The following PPARGC1A variants were observed in gnomAD, a reference collection of about 807,000 sequenced individuals.
The protein encoded by PPARGC1A is peroxisome proliferator-activated receptor gamma coactivator 1-alpha.
A neutral mutation model predicts 88.7 loss-of-function variants in PPARGC1A; 25 were observed. The ratio of observed to expected loss-of-function variants is 0.28; its 90% CI spans 0.21 to 0.39. The LOEUF (loss-of-function observed/expected upper bound fraction) is 0.39. Ranked by LOEUF, PPARGC1A falls within the 10% of genes least tolerant of loss-of-function variation. The pLI, the probability that PPARGC1A is intolerant of heterozygous loss-of-function variation, is 1.00. For missense variants in PPARGC1A, 880 were observed against 968.7 expected (o/e 0.91, Z 1.22); for synonymous variants, 363 against 355.6 (o/e 1.02, Z -0.24).
chr4:23,906,690 T>C (rs1448419935), upstream of PPARGC1A, among the ~76,000 whole-genome samples: 3 of 151,836 alleles, frequency 2.0e-5, no homozygotes, highest in African/African-American at 7.3e-5. Context: ...TTATCTAATC[T>C]AGAACAGACC....
At chr4:24,171,073 T>C in the PPARGC1A span, among the ~76,000 whole-genome samples, 32 of 152,244 alleles carry the variant, frequency 2.1e-4, no homozygotes, top group East Asian at 5.6e-3. Flanking sequence ...TTCATGCCTA[T>C]GTCCAAATGT....
the PPARGC1A span, among the ~76,000 whole-genome samples, chr4:24,208,788 C>T: frequency 2.0e-5 from 3 of 151,066 alleles, no homozygotes; most frequent in Non-Finnish European, 4.4e-5. Context: ...ATGTTATTAT[C>T]CTCATAATCA....
At chr4:24,368,551 TCAAGGTGGAC>T in the PPARGC1A span, among the ~76,000 whole-genome samples, 4 of 152,108 alleles carry the variant, frequency 2.6e-5, no homozygotes, top group Non-Finnish European at 1.5e-5. Flanking sequence ...GGTTCTCTCT[TCAAGGTGGAC>T]TTCAAAATTT....
chr4:24,266,875 T>C, the PPARGC1A span, among the ~76,000 whole-genome samples: 14,606 of 152,168 alleles, frequency 0.096, 804 homozygotes, highest in South Asian at 0.2. Flanking sequence ...AATTTTAAGA[T>C]CTTCAATTGA....
the PPARGC1A span, among the ~76,000 whole-genome samples, chr4:24,401,515 C>G: frequency 2.8e-5 from 4 of 144,762 alleles, no homozygotes; most frequent in Non-Finnish European, 6.3e-5. Flanking sequence ...GAGAAAGAAC[C>G]GCACCCACCT....
chr4:24,141,561 A>T, the PPARGC1A span, among the ~76,000 whole-genome samples: 1 of 152,258 alleles, frequency 6.6e-6, no homozygotes, highest in Non-Finnish European at 1.5e-5. Flanking sequence ...CTTATCAAGC[A>T]AAAGCAGGAA....
At chr4:24,436,969 C>T in the PPARGC1A span, among the ~76,000 whole-genome samples, 1 of 152,076 alleles carries the variant, frequency 6.6e-6, no homozygotes, top group Non-Finnish European at 1.5e-5. Flanking sequence ...CGGGCTGGCT[C>T]TAGGGAGACC....
the PPARGC1A span, among the ~76,000 whole-genome samples, chr4:23,931,792 TAATC>T: frequency 6.6e-6 from 1 of 152,188 alleles, no homozygotes; most frequent in South Asian, 2.1e-4. Context: ...AGGTGCTCAA[TAATC>T]AGTAGCTCAT....
chr4:24,127,408 C>T, the PPARGC1A span, among the ~76,000 whole-genome samples: 3 of 151,844 alleles, frequency 2.0e-5, no homozygotes, highest in Non-Finnish European at 2.9e-5. Flanking sequence ...ATTTTTTTAT[C>T]ACTTCGAAGT....
the PPARGC1A span, among the ~76,000 whole-genome samples, chr4:24,280,951 A>C: frequency 3.3e-5 from 5 of 152,248 alleles, no homozygotes; most frequent in Non-Finnish European, 7.3e-5. Context: ...AACTGAATCA[A>C]CCAACCAAAG....
the PPARGC1A span, among the ~76,000 whole-genome samples, chr4:24,320,162 T>G: frequency 1.3e-5 from 2 of 152,244 alleles, no homozygotes; most frequent in Non-Finnish European, 2.9e-5. Context: ...TGAAAATCTG[T>G]ACTTGCTGTG....
chr4:24,324,921 A>T, the PPARGC1A span, among the ~76,000 whole-genome samples: 841 of 151,852 alleles, frequency 5.5e-3, 6 homozygotes, highest in African/African-American at 0.018. Context: ...AGGTCCCAAT[A>T]ATTCCTCAGC....
At chr4:24,015,205 T>C in the PPARGC1A span, among the ~76,000 whole-genome samples, 1 of 152,102 alleles carries the variant, frequency 6.6e-6, no homozygotes, top group Admixed American at 6.6e-5. Context: ...CATACACATA[T>C]ATTTGTATGT....
chr4:24,377,494 G>A, the PPARGC1A span, among the ~76,000 whole-genome samples: 1 of 152,082 alleles, frequency 6.6e-6, no homozygotes, highest in Non-Finnish European at 1.5e-5. Context: ...ACTACGGTGT[G>A]TCAGTTATAC....
chr4:24,469,107 T>C, the PPARGC1A span, among the ~76,000 whole-genome samples: 1 of 152,250 alleles, frequency 6.6e-6, no homozygotes, highest in Non-Finnish European at 1.5e-5. Context: ...ACGCAGGATA[T>C]GTAAGCATTT....
the PPARGC1A span, among the ~76,000 whole-genome samples, chr4:24,071,747 C>A: frequency 6.6e-6 from 1 of 152,074 alleles, no homozygotes; most frequent in African/African-American, 2.4e-5. Flanking sequence ...GCATCAGACC[C>A]AAGTTTTACC....
upstream of PPARGC1A, among the ~76,000 whole-genome samples, chr4:23,890,728 C>G (rs751743361): frequency 1.3e-5 from 2 of 151,114 alleles, no homozygotes; most frequent in African/African-American, 2.4e-5. Flanking sequence ...TACCAGCTCC[C>G]GAAGAGTTGC....
the PPARGC1A span, among the ~76,000 whole-genome samples, chr4:24,375,026 A>AAAAG: frequency 2.6e-5 from 4 of 151,804 alleles, no homozygotes; most frequent in African/African-American, 4.8e-5. Flanking sequence ...AAAAAAAAAA[A>AAAAG]AAAGAAACCT....
At chr4:24,437,717 T>C in the PPARGC1A span, among the ~76,000 whole-genome samples, 2 of 152,046 alleles carry the variant, frequency 1.3e-5, no homozygotes, top group South Asian at 2.1e-4. Context: ...TTGCCAAGGC[T>C]TGAGTGCAAT....
Sources: allele counts gnomAD v4.1 joint callset (sites outside exome capture counted in the v4.1 genomes callset), GRCh38; gene constraint gnomAD v4.1.1; transcripts MANE v1.5; gene names NCBI Gene and HGNC (gene_info 2026-07-23, HGNC 2026-07-21).